Variants in ATP7B observed in about 807,000 individuals in gnomAD.
ATP7B encodes copper-transporting ATPase 2.
ATP7B carries 113 observed loss-of-function variants against 118.9 expected under a neutral mutation model. The ratio of observed to expected loss-of-function variants is 0.95; its 90% CI spans 0.82 to 1.11. The LOEUF is 1.11. ATP7B is among the 50% of genes most tolerant of loss of function. The pLI is 0.00. For missense variants in ATP7B, 1,867 were observed against 1,871.4 expected (o/e 1.00, Z 0.04); for synonymous variants, 777 against 727.4 (o/e 1.07, Z -1.10).
At chr13:51,973,877 A>C (rs1951961493) in intron 2 of ATP7B, 58 bp downstream of exon 2, 1 of 1,611,386 alleles carries the variant, frequency 6.2e-7, no homozygotes, top group African/African-American at 1.3e-5. Flanking sequence ...TCCAGGAGCT[A>C]TAAGACACAA....
rs1023530194 is a variant in ATP7B at position 51,974,521 on chromosome 13, CTT to C, written c.697_698del (p.Lys233GlufsTer7). 2 of 1,614,174 alleles carry C rather than the reference CTT, an allele frequency of 1.2e-6. No individual in the cohort carries two copies. The highest frequency in any genetic ancestry group is 1.7e-6 in the Non-Finnish European group (2 of 1,180,042). ...DIERLQSTNP[K>X]RPLSSANQNF... ...TCTGGTTAGCAGAAGATAAAGGTCT[CTT>C]TGGGTTAGTGCTTTGTAACCGCTCA... On this transcript the variant is annotated frameshift_variant, in exon 2 of 21. Transcript: ENST00000242839. LOFTEE classifies it high-confidence loss of function.
chr13:52,000,892 C>T lies in ATP7B; in HGVS notation c.51+10395G>A, dbSNP rs976148146. Among the ~76,000 whole-genome samples the T allele has an allele frequency of 7.2e-5, 11 of 152,226 alleles. No homozygotes were observed. In the East Asian group the frequency reaches 9.7e-4, roughly 13 times the overall value. The stretch of plus-strand genomic sequence containing the variant: ...AAAATTAGCTGGGCATGGTGGTGCA[C>T]ACTTGTAGTCCCAGCTACTCAGAAG... On this transcript the variant is annotated intron_variant, in intron 1 of 20. Coordinates refer to ENST00000242839, the MANE Select transcript of ATP7B (RefSeq NM_000053.4).
chr13:52,004,696 C>G (rs1953686644), intron 1 of ATP7B, among the ~76,000 whole-genome samples: 1 of 152,180 alleles, frequency 6.6e-6, no homozygotes, highest in Admixed American at 6.5e-5. Flanking sequence ...CTTCCCTGAA[C>G]ACTTACAAAG....
chr13:51,969,618 A>G (rs760668783), intron 3 of ATP7B, among the ~76,000 whole-genome samples: 18 of 152,340 alleles, frequency 1.2e-4, no homozygotes, highest in Admixed American at 6.5e-5. Context: ...GTTCAAATAA[A>G]TGAAAGGAAG....
intron 1 of ATP7B, among the ~76,000 whole-genome samples, chr13:51,977,597 A>G (rs1205854881): frequency 1.3e-5 from 2 of 152,188 alleles, no homozygotes; most frequent in African/African-American, 4.8e-5. Flanking sequence ...TTCTTTTTAT[A>G]AGTAGAAGGA....
At chr13:52,003,126 C>T (rs1041270292) in intron 1 of ATP7B, among the ~76,000 whole-genome samples, 6 of 152,208 alleles carry the variant, frequency 3.9e-5, no homozygotes, top group African/African-American at 1.2e-4. Context: ...CCTTCAAGGA[C>T]TTTACCTTTG....
chr13:51,987,955 C>A (rs932937800), intron 1 of ATP7B, among the ~76,000 whole-genome samples: 3 of 152,126 alleles, frequency 2.0e-5, no homozygotes, highest in Admixed American at 6.5e-5. Context: ...CATAAAAACC[C>A]TAGAAGAAAA....
At chr13:51,977,446 C>CT (rs1315871453) in intron 1 of ATP7B, among the ~76,000 whole-genome samples, 4 of 152,012 alleles carry the variant, frequency 2.6e-5, no homozygotes, top group Non-Finnish European at 2.9e-5. Flanking sequence ...ATCAGTATAA[C>CT]TGTCTTCCAT....
chr13:52,010,458 C>T (rs1458472104), intron 1 of ATP7B, among the ~76,000 whole-genome samples: 1 of 152,168 alleles, frequency 6.6e-6, no homozygotes, highest in African/African-American at 2.4e-5. Flanking sequence ...AAAAAAGTAG[C>T]AAACAGAACG....
intron 1 of ATP7B, among the ~76,000 whole-genome samples, chr13:51,998,489 C>T (rs919784876): frequency 2.0e-5 from 3 of 152,150 alleles, no homozygotes; most frequent in African/African-American, 2.4e-5. Flanking sequence ...TCAGAATGTG[C>T]TTTCTACCTA....
At chr13:51,987,457 C>A (rs1030859261) in intron 1 of ATP7B, among the ~76,000 whole-genome samples, 3 of 152,140 alleles carry the variant, frequency 2.0e-5, no homozygotes, top group Non-Finnish European at 2.9e-5. Context: ...TGCATAGGAA[C>A]AATCAATATC....
At chr13:52,001,798 T>A (rs1953502737) in intron 1 of ATP7B, among the ~76,000 whole-genome samples, 2 of 55,908 alleles carry the variant, frequency 3.6e-5, no homozygotes, top group Admixed American at 3.7e-4. Context: ...TCCTTCACAT[T>A]TTTTTTTTTA....
rs1308616986 is a variant in ATP7B, at chr13:51,932,777, TA to T, written c.*1978del. The T allele has an allele frequency of 6.6e-6, 1 of 152,240 alleles. No homozygotes were observed. Among genetic ancestry groups the T allele is most frequent in the Non-Finnish European group, 1.5e-5 (1 of 68,038 alleles). The allele number at this position is 152,240 out of a possible 1,614,324, so 9.4% of individuals were successfully genotyped here. A position where few individuals can be genotyped will look rare whatever the true frequency, so the allele number is the denominator to read the frequency against. Reference sequence around the variant, plus strand: ...CTTACACTTTGACCATCTAAAAGGTTATTTTCTATAAAATTATATAAATATT... The same window carrying T: ...CTTACACTTTGACCATCTAAAAGGTTTTTTCTATAAAATTATATAAATATT... On this transcript the variant is annotated 3_prime_UTR_variant, in exon 21 of 21. Coordinates refer to ENST00000242839, the MANE Select transcript of ATP7B (RefSeq NM_000053.4).
In ATP7B at chr13:51,961,914, C is replaced by T. The variant is rs780361833; in HGVS notation, c.1870-1G>A. On this transcript the variant is annotated splice_acceptor_variant, in intron 5 of 20. Transcript: ENST00000242839. LOFTEE classifies it high-confidence loss of function. Reference sequence around the variant, plus strand: ...CCAGGGAAGCATGAAAGCCAATTTCCTTGTCATTAAAAAGAGAGGGGTGGG... The same window carrying T: ...CCAGGGAAGCATGAAAGCCAATTTCTTTGTCATTAAAAAGAGAGGGGTGGG... 1.2e-6 allele frequency: 2 copies of T among 1,612,198 alleles called. No individual in the cohort carries two copies. Among genetic ancestry groups the T allele is most frequent in the African/African-American group, 1.3e-5 (1 of 74,924 alleles).
chr13:51,947,126 T>C (rs531041640), intron 12 of ATP7B, among the ~76,000 whole-genome samples: 69 of 152,298 alleles, frequency 4.5e-4, no homozygotes, highest in Non-Finnish European at 7.5e-4. Flanking sequence ...AGGCAACTAT[T>C]GGAATGATGA....
At chr13:52,005,551 T>C (rs2140616662) in intron 1 of ATP7B, among the ~76,000 whole-genome samples, 1 of 152,324 alleles carries the variant, frequency 6.6e-6, no homozygotes, top group African/African-American at 2.4e-5. Flanking sequence ...TTGCTGTCCA[T>C]ACTTCCACCA....
chr13:51,953,860 A>AAAAAAAAAAAAAAAAAAAAAC (rs1323775351), intron 9 of ATP7B, among the ~76,000 whole-genome samples: 1 of 151,050 alleles, frequency 6.6e-6, no homozygotes, highest in Non-Finnish European at 1.5e-5. Context: ...GTAAAAAAAA[A>AAAAAAAAAAAAAAAAAAAAAC]AAAAAAAACC....
Position 51,961,978 on chromosome 13 carries a change from C to T in ATP7B, c.1870-65G>A, listed in dbSNP as rs9535809. On this transcript the variant is annotated intron_variant, in intron 5 of 20. Transcript: ENST00000242839. ...GGTACTTGGTTAAAATATGCATTGG[C>T]AGAAAGCACTTTTCAGCTTTGGAAA... 0.1 allele frequency: 139,019 copies of T among 1,365,112 alleles called. 12,461 individuals carry two copies. Among genetic ancestry groups the T allele is most frequent in the African/African-American group, 0.42 (29,257 of 69,610 alleles). 84.6% of individuals were successfully genotyped at this position (1,365,112 alleles called of 1,614,324 possible).
intron 7 of ATP7B, 111 bp downstream of exon 7, chr13:51,960,037 A>G (rs1013260417): frequency 7.2e-7 from 1 of 1,396,818 alleles, no homozygotes; most frequent in Non-Finnish European, 1.0e-6. Context: ...AAGCTGCAAT[A>G]AAGTGCCATT....
Sources: gnomAD v4.1 joint callset for allele counts (sites outside exome capture counted in the v4.1 genomes callset) on GRCh38, gnomAD v4.1.1 for gene constraint, MANE v1.5 for transcripts, NCBI Gene and HGNC (gene_info 2026-07-23, HGNC 2026-07-21) for gene names.